Variants in NRG1 observed in about 807,000 individuals in gnomAD.
The protein encoded by NRG1 is pro-neuregulin-1, membrane-bound isoform.
Under a neutral mutation model 63.8 loss-of-function variants are expected in NRG1, and 18 were observed. The ratio of observed to expected loss-of-function variants is 0.28; its 90% CI spans 0.19 to 0.42. The LOEUF (loss-of-function observed/expected upper bound fraction) is 0.42. Among genes scored for constraint, NRG1 ranks in the 10% least tolerant of loss-of-function variants. The probability of loss-of-function intolerance (pLI) is 1.00; values close to 1 mark genes in which losing one functional copy is unlikely to be tolerated. For missense variants in NRG1, 762 were observed against 814.7 expected, an observed-to-expected ratio of 0.94 and a Z score of 0.79; for synonymous variants, 302 against 301.3, an observed-to-expected ratio of 1.00 and a Z score of -0.02.
chr8:32,009,831 T>G (rs1814440614), intron 1 of NRG1, among the ~76,000 whole-genome samples: 1 of 152,034 alleles, frequency 6.6e-6, no homozygotes, highest in African/African-American at 2.4e-5. Context: ...CTGATTGACT[T>G]TTGAGGGACA....
At chr8:32,714,895 T>G (rs1818796769) in intron 5 of NRG1, among the ~76,000 whole-genome samples, 1 of 152,194 alleles carries the variant, frequency 6.6e-6, no homozygotes. Context: ...CCAGACTCAG[T>G]GGCTGTGATA....
intron 1 of NRG1, among the ~76,000 whole-genome samples, chr8:31,869,557 A>G (rs1829295981): frequency 6.6e-6 from 1 of 151,838 alleles, no homozygotes; most frequent in Non-Finnish European, 1.5e-5. Flanking sequence ...TTTGTTATCT[A>G]CTCCATGGTC....
At chr8:32,422,209 A>G (rs1277642104) in intron 1 of NRG1, among the ~76,000 whole-genome samples, 1 of 152,136 alleles carries the variant, frequency 6.6e-6, no homozygotes, top group Non-Finnish European at 1.5e-5. Flanking sequence ...CATCATCCCA[A>G]TTTCTTTCAC....
intron 1 of NRG1, among the ~76,000 whole-genome samples, chr8:32,473,091 T>C (rs1824052671): frequency 6.6e-6 from 1 of 152,228 alleles, no homozygotes; most frequent in African/African-American, 2.4e-5. Context: ...AACAAGTTAC[T>C]CAATGACTAA....
chr8:31,918,601 T>G lies in NRG1; in HGVS notation c.37+279170T>G, dbSNP rs1365586492. On this transcript the variant is annotated intron_variant, in intron 1 of 10. Transcript: ENST00000519301. ...TTTTGATGTGCTGCTGGATTCGTTTTGCCAGTATTTTATTGAGGATTTTTG... is the reference window on the plus strand; with the variant it reads ...TTTTGATGTGCTGCTGGATTCGTTTGGCCAGTATTTTATTGAGGATTTTTG... Among the ~76,000 whole-genome samples, 12 of 152,312 alleles carry G rather than the reference T, an allele frequency of 7.9e-5. 1 individual carries two copies. The South Asian group carries it at 2.5e-3, about 32-fold the overall frequency.
intron 1 of NRG1, among the ~76,000 whole-genome samples, chr8:32,153,378 G>T (rs1397874600): frequency 2.0e-5 from 3 of 152,168 alleles, no homozygotes; most frequent in Admixed American, 2.0e-4. Context: ...AGTACAGAAA[G>T]CAAGGAGAGA....
At chr8:31,724,524 C>T (rs1813234144) in intron 1 of NRG1, among the ~76,000 whole-genome samples, 2 of 151,988 alleles carry the variant, frequency 1.3e-5, no homozygotes, top group South Asian at 4.2e-4. Flanking sequence ...TTAGTTTGCT[C>T]CTTCACAAAC....
At chr8:31,860,988 C>G (rs896992524) in intron 1 of NRG1, among the ~76,000 whole-genome samples, 12 of 152,202 alleles carry the variant, frequency 7.9e-5, no homozygotes, top group East Asian at 5.8e-4. Flanking sequence ...TTCTACTCCA[C>G]AAAAAGAAAG....
chr8:31,848,343 A>G (rs1826883439), intron 1 of NRG1, among the ~76,000 whole-genome samples: 1 of 152,156 alleles, frequency 6.6e-6, no homozygotes, highest in Admixed American at 6.5e-5. Flanking sequence ...TTCCTCCTGA[A>G]GGGGAAAGCC....
chr8:31,884,606 T>C (rs1045033154), intron 1 of NRG1, among the ~76,000 whole-genome samples: 2 of 152,086 alleles, frequency 1.3e-5, no homozygotes, highest in African/African-American at 4.8e-5. Context: ...TAAATTTATG[T>C]AAAAAAATGA....
intron 1 of NRG1, among the ~76,000 whole-genome samples, chr8:31,816,996 T>C (rs566097262): frequency 6.6e-6 from 1 of 152,168 alleles, no homozygotes; most frequent in African/African-American, 2.4e-5. Flanking sequence ...ATATTGAATA[T>C]AAAATTGAAA....
At chr8:32,109,928 T>C (rs1436205296) in intron 1 of NRG1, among the ~76,000 whole-genome samples, 1 of 152,196 alleles carries the variant, frequency 6.6e-6, no homozygotes, top group Non-Finnish European at 1.5e-5. Flanking sequence ...GCCAAATCTC[T>C]TTAACTTTCT....
In NRG1 at chr8:31,985,159, G is replaced by T. The variant is rs117054803; in HGVS notation, c.37+345728G>T. Among the ~76,000 whole-genome samples, 1,493 of 152,114 alleles carry T rather than the reference G, an allele frequency of 9.8e-3. 25 individuals carry two copies. The highest frequency in any genetic ancestry group is 0.074 in the South Asian group (357 of 4,818). On this transcript the variant is annotated intron_variant, in intron 1 of 10. Coordinates refer to the NRG1 transcript ENST00000519301. ...GTAATCTGTTTTTAGACAAGAAAAA[G>T]ATTTAAAGAATGACTTAAAGTGATG...
chr8:31,712,065 G>C (rs1450801627), intron 1 of NRG1, among the ~76,000 whole-genome samples: 1 of 151,856 alleles, frequency 6.6e-6, no homozygotes, highest in Non-Finnish European at 1.5e-5. Context: ...CCGTCATCTA[G>C]TCTCTCATTC....
intron 1 of NRG1, among the ~76,000 whole-genome samples, chr8:31,858,186 C>G (rs1361819373): frequency 6.6e-6 from 1 of 151,948 alleles, no homozygotes; most frequent in African/African-American, 2.4e-5. Context: ...GTAGTCCCAG[C>G]TACTCGGGAG....
intron 1 of NRG1, among the ~76,000 whole-genome samples, chr8:31,962,968 C>T (rs755576928): frequency 6.6e-6 from 1 of 152,120 alleles, no homozygotes; most frequent in Non-Finnish European, 1.5e-5. Context: ...GTGGACATAA[C>T]GTATCATGTA....
At chr8:31,709,343 A>G (rs562837030) in intron 1 of NRG1, among the ~76,000 whole-genome samples, 49 of 152,214 alleles carry the variant, frequency 3.2e-4, no homozygotes, top group South Asian at 1.7e-3. Flanking sequence ...GTCACATTTC[A>G]TATAACGAAT....
intron 1 of NRG1, among the ~76,000 whole-genome samples, chr8:32,243,291 G>A (rs1360340524): frequency 6.6e-6 from 1 of 152,020 alleles, no homozygotes; most frequent in Admixed American, 6.6e-5. Flanking sequence ...AGGTATGGTG[G>A]TGCATGCCTA....
intron 1 of NRG1, among the ~76,000 whole-genome samples, chr8:31,761,353 A>C (rs1161776770): frequency 3.3e-5 from 5 of 152,082 alleles, no homozygotes; most frequent in African/African-American, 1.2e-4. Flanking sequence ...CCTAATGCTA[A>C]ATGACGAGTT....
Sources: gnomAD v4.1 joint callset for allele counts (sites outside exome capture counted in the v4.1 genomes callset) on GRCh38, gnomAD v4.1.1 for gene constraint, MANE v1.5 for transcripts, NCBI Gene and HGNC (gene_info 2026-07-23, HGNC 2026-07-21) for gene names.